The following RPA3 variants were observed in gnomAD, a reference collection of about 807,000 sequenced individuals.
RPA3 encodes the protein replication protein A3.
A neutral mutation model predicts 13.7 loss-of-function variants in RPA3; 24 were observed. That is an observed-to-expected ratio of 1.75 (90% CI 1.27 to 2.46). The LOEUF is 2.46. Among genes scored for constraint, RPA3 ranks in the 30% most tolerant of loss-of-function variants. RPA3 has a pLI of 0.00. For missense variants in RPA3, 183 were observed against 151.0 expected, an observed-to-expected ratio of 1.21 and a Z score of -1.11; for synonymous variants, 59 against 51.2, an observed-to-expected ratio of 1.15 and a Z score of -0.65.
chr7:7,691,263 A>G (rs1462445371), intron 2 of RPA3, among the ~76,000 whole-genome samples: 1 of 152,218 alleles, frequency 6.6e-6, no homozygotes, highest in Non-Finnish European at 1.5e-5. Flanking sequence ...TGAGGAAAAA[A>G]TGGTTATTCA....
chr7:7,685,784 A>T (rs1414423944), intron 4 of RPA3, 46 bp downstream of exon 4: 1 of 152,236 alleles, frequency 6.6e-6, no homozygotes, highest in East Asian at 1.9e-4. Context: ...AAAAAAATTT[A>T]AGTGTTTTCT....
chr7:7,646,739 A>G (rs1326426367), intron 4 of RPA3, among the ~76,000 whole-genome samples: 1 of 151,778 alleles, frequency 6.6e-6, no homozygotes, highest in Non-Finnish European at 1.5e-5. Context: ...CCCATGGCCA[A>G]TCTCCTCTCT....
rs28916294 is a variant in RPA3, at chr7:7,640,468, CTG to C, written c.-52_-51del. ...GCGGGAAACCCACGGACGACTGAAA[CTG>C]TGCGCCCCGCGGGTGTCTATGGGGC... On this transcript the variant is annotated 5_prime_UTR_variant, in exon 5 of 8. Transcript: ENST00000223129. 0.011 allele frequency: 16,747 copies of C among 1,561,736 alleles called. 1,395 individuals carry two copies. The African/African-American group carries it at 0.19, about 18-fold the overall frequency.
intron 4 of RPA3, among the ~76,000 whole-genome samples, chr7:7,660,215 C>T (rs2115088817): frequency 6.6e-6 from 1 of 152,266 alleles, no homozygotes; most frequent in South Asian, 2.1e-4. Flanking sequence ...AGATGGGTCT[C>T]CTGAATACAA....
At position 7,653,516 on chromosome 7, in the gene RPA3, T is replaced by G. The variant is rs561531548; in HGVS notation, c.-757-12341A>C. ...CATGTATAGCATTACAAAAAAAACC[T>G]CTTGAAATTAAGATGTTTTCTGACT... On this transcript the variant is annotated intron_variant, in intron 4 of 7. Coordinates refer to ENST00000223129, the MANE Select transcript of RPA3 (RefSeq NM_002947.5). 3.9e-5 allele frequency among the ~76,000 whole-genome samples: 6 copies of G among 152,302 alleles called. No homozygotes were observed. The East Asian group carries it at 1.2e-3, about 29-fold the overall frequency.
chr7:7,648,524 A>G (rs976254797), intron 4 of RPA3, among the ~76,000 whole-genome samples: 1 of 152,110 alleles, frequency 6.6e-6, no homozygotes, highest in African/African-American at 2.4e-5. Flanking sequence ...TAGTGTTGCT[A>G]TTACAGAATA....
chr7:7,668,341 T>G (rs1779522111), intron 4 of RPA3, among the ~76,000 whole-genome samples: 1 of 152,176 alleles, frequency 6.6e-6, no homozygotes, highest in Non-Finnish European at 1.5e-5. Flanking sequence ...TTTTACTGTT[T>G]CAGTTACTTA....
At chr7:7,686,187 G>C (rs1452030542) in intron 3 of RPA3, among the ~76,000 whole-genome samples, 189 bp from the exon 4 acceptor site, 1 of 152,156 alleles carries the variant, frequency 6.6e-6, no homozygotes. Flanking sequence ...TATTCTAGGT[G>C]GTGGGGCAGA....
intron 4 of RPA3, among the ~76,000 whole-genome samples, chr7:7,671,515 C>G (rs953206669): frequency 6.6e-6 from 1 of 152,206 alleles, no homozygotes; most frequent in African/African-American, 2.4e-5. Context: ...TAAAGGCCTT[C>G]TCAGTTTTGT....
At chr7:7,662,730 G>T (rs1785506523) in intron 4 of RPA3, among the ~76,000 whole-genome samples, 1 of 152,120 alleles carries the variant, frequency 6.6e-6, no homozygotes, top group African/African-American at 2.4e-5. Flanking sequence ...TGATCTCACT[G>T]GGAACTGCAG....
At chr7:7,711,084 C>T (rs1243072628) in intron 2 of RPA3, among the ~76,000 whole-genome samples, 1 of 152,150 alleles carries the variant, frequency 6.6e-6, no homozygotes, top group African/African-American at 2.4e-5. Context: ...AAGGATAACA[C>T]TGGGGATTCT....
chr7:7,638,702 C>T lies in RPA3; in HGVS notation c.174+368G>A, dbSNP rs28916304. 13 of 161,386 alleles carry T rather than the reference C, an allele frequency of 8.1e-5. No homozygotes were observed. The East Asian group carries it at 1.9e-3, about 24-fold the overall frequency. 10.0% of individuals were successfully genotyped at this position (161,386 alleles called of 1,614,324 possible). The stretch of plus-strand genomic sequence containing the variant: ...CATGATGGTGCCACTGCATTCCACC[C>T]GGGGTAACAGAGTGAGACCCTGTCT... On this transcript the variant is annotated intron_variant, in intron 6 of 7. Transcript: ENST00000223129.
chr7:7,664,652 C>T (rs1163350644), intron 4 of RPA3, among the ~76,000 whole-genome samples: 2 of 152,216 alleles, frequency 1.3e-5, no homozygotes, highest in Admixed American at 6.5e-5. Context: ...TGTTTATACA[C>T]ATCAGATGAA....
intron 2 of RPA3, among the ~76,000 whole-genome samples, chr7:7,704,896 A>G (rs765786046): frequency 2.6e-5 from 4 of 152,096 alleles, no homozygotes; most frequent in Non-Finnish European, 4.4e-5. Flanking sequence ...TGGGTAAAGT[A>G]AAATAGGCCT....
At chr7:7,683,397 T>C (rs141409136) in intron 4 of RPA3, among the ~76,000 whole-genome samples, 104 of 152,290 alleles carry the variant, frequency 6.8e-4, no homozygotes, top group African/African-American at 2.5e-3. Flanking sequence ...GCACTACAGT[T>C]CACTCTCTAA....
At chr7:7,714,847 AT>A (rs1419535149) in intron 2 of RPA3, among the ~76,000 whole-genome samples, 1 of 145,268 alleles carries the variant, frequency 6.9e-6, no homozygotes, top group South Asian at 2.2e-4. Flanking sequence ...TTGTTCAAAA[AT>A]TTTTCTTTTT....
At chr7:7,675,166 C>G (rs1033680517) in intron 4 of RPA3, among the ~76,000 whole-genome samples, 2 of 152,156 alleles carry the variant, frequency 1.3e-5, no homozygotes, top group African/African-American at 2.4e-5. Context: ...CGTCCAGCCT[C>G]TTTTCTGTTG....
chr7:7,713,048 A>T (rs1780806973), intron 2 of RPA3, among the ~76,000 whole-genome samples: 3 of 152,138 alleles, frequency 2.0e-5, no homozygotes, highest in Non-Finnish European at 4.4e-5. Context: ...CATTCAAAAA[A>T]TATTCTAGGG....
chr7:7,700,380 G>T (rs1424803402), intron 2 of RPA3, among the ~76,000 whole-genome samples: 1 of 152,064 alleles, frequency 6.6e-6, no homozygotes, highest in African/African-American at 2.4e-5. Context: ...AATTTTGAGG[G>T]AACACAAATA....
Sources: allele counts gnomAD v4.1 joint callset (sites outside exome capture counted in the v4.1 genomes callset), GRCh38; gene constraint gnomAD v4.1.1; transcripts MANE v1.5; gene names NCBI Gene and HGNC (gene_info 2026-07-23, HGNC 2026-07-21).